The following ZNF141 variants were observed in gnomAD, a reference collection of about 807,000 sequenced individuals.
The protein encoded by ZNF141 is zinc finger protein 141, also known as zinc finger protein 141 (clone pHZ-44).
Under a neutral mutation model 11.3 loss-of-function variants are expected in ZNF141, and 7 were observed. The ratio of observed to expected loss-of-function variants is 0.62; its 90% CI spans 0.35 to 1.16. The LOEUF (loss-of-function observed/expected upper bound fraction) is 1.16. Ranked by LOEUF, ZNF141 falls within the 50% of genes most tolerant of loss-of-function variation. ZNF141 has a pLI of 0.02. For missense variants in ZNF141, 535 were observed against 554.0 expected (o/e 0.97, Z 0.34); for synonymous variants, 183 against 190.7 (o/e 0.96, Z 0.33).
At chr4:342,770 T>C in intron 1 of ZNF141, 1 of 1,507,340 alleles carries the variant, frequency 6.6e-7, no homozygotes. Context: ...TTTTGATTGT[T>C]GTTGTCCCAG....
chr4:383,210 A>G lies in ZNF141; in HGVS notation c.*9348A>G, dbSNP rs1217511377. ...TCACTCACAGAAGCAGAGCCACCTAATTCACCAGCATCTAACCACTCACAC... is the reference window on the plus strand; with the variant it reads ...TCACTCACAGAAGCAGAGCCACCTAGTTCACCAGCATCTAACCACTCACAC... On this transcript the variant is annotated 3_prime_UTR_variant, in exon 4 of 4. Coordinates refer to ENST00000240499, the MANE Select transcript of ZNF141 (RefSeq NM_003441.4). 9 of 695,508 alleles carry G rather than the reference A, an allele frequency of 1.3e-5. No homozygotes were observed. Among genetic ancestry groups the G allele is most frequent in the Non-Finnish European group, 2.4e-5 (9 of 382,446 alleles). 43.1% of individuals were successfully genotyped at this position (695,508 alleles called of 1,614,324 possible).
rs1712767625 is a variant in ZNF141, at chr4:383,735, G to A, written c.*9873G>A. Reference sequence around the variant, plus strand: ...TCTGATAGAAAAGGACAGTGCCTTGGAGTGGCCGTGGGCCAAGCACAGGCC... The same window carrying A: ...TCTGATAGAAAAGGACAGTGCCTTGAAGTGGCCGTGGGCCAAGCACAGGCC... On this transcript the variant is annotated 3_prime_UTR_variant, in exon 4 of 4. Transcript: ENST00000240499. The A allele has an allele frequency of 6.6e-6, 1 of 152,664 alleles. No homozygotes were observed. The allele number at this position is 152,664 out of a possible 1,614,324, so 9.5% of individuals were successfully genotyped here.
Position 340,707 on chromosome 4 carries a change from C to T in ZNF141, c.3+2721C>T, listed in dbSNP as rs200144900. Among the ~76,000 whole-genome samples the T allele has an allele frequency of 5.9e-5, 9 of 152,292 alleles. No homozygotes were observed. The East Asian group carries it at 1.7e-3, about 29-fold the overall frequency. On this transcript the variant is annotated intron_variant, in intron 1 of 3. Transcript: ENST00000240499. Reference sequence around the variant, plus strand: ...TGTTAAAATGAGACCACAGTCCTACCGTTCCCCTCTTTGAACTGTTTGTCT... The same window carrying T: ...TGTTAAAATGAGACCACAGTCCTACTGTTCCCCTCTTTGAACTGTTTGTCT...
chr4:353,053 C>T (rs909866607), intron 3 of ZNF141, among the ~76,000 whole-genome samples: 7 of 152,044 alleles, frequency 4.6e-5, no homozygotes, highest in African/African-American at 9.7e-5. Flanking sequence ...TGGTGTTCAG[C>T]AAACTCCATA....
intron 1 of ZNF141, chr4:342,940 A>G (rs576076550): frequency 1.9e-6 from 3 of 1,543,352 alleles, no homozygotes; most frequent in Non-Finnish European, 2.7e-6. Flanking sequence ...TACTTCAATT[A>G]TCTCCTGATC....
At chr4:352,140 C>T (rs576874682) in intron 3 of ZNF141, among the ~76,000 whole-genome samples, 2 of 152,240 alleles carry the variant, frequency 1.3e-5, no homozygotes, top group African/African-American at 4.8e-5. Context: ...GTAATCCCAG[C>T]ACTTTGGGAG....
intron 1 of ZNF141, 23 bp downstream of exon 1, chr4:338,009 C>T (rs1310118021): frequency 6.2e-7 from 1 of 1,613,052 alleles, no homozygotes; most frequent in Non-Finnish European, 8.5e-7. Flanking sequence ...GGCAGGGCGT[C>T]CCAAGGCTGA....
chr4:384,034 G>A lies in ZNF141; in HGVS notation c.*10172G>A, dbSNP rs1455055792. ...CAATTTTTTTGTTCGAAATGTCAAG[G>A]ACCTGGACAGTTCACACTCACGGCC... On this transcript the variant is annotated 3_prime_UTR_variant, in exon 4 of 4. Transcript: ENST00000240499. The A allele has an allele frequency of 1.3e-5, 2 of 152,144 alleles. No homozygotes were observed. The highest frequency in any genetic ancestry group is 2.9e-5 in the Non-Finnish European group (2 of 68,064). The allele number at this position is 152,144 out of a possible 1,614,324, so 9.4% of individuals were successfully genotyped here.
At chr4:341,369 G>C (rs1374607681) in intron 1 of ZNF141, among the ~76,000 whole-genome samples, 1 of 152,100 alleles carries the variant, frequency 6.6e-6, no homozygotes, top group Non-Finnish European at 1.5e-5. Flanking sequence ...CCTGTTTTGT[G>C]AGTTTTGATG....
At chr4:368,524 G>C (rs782332390) in intron 3 of ZNF141, among the ~76,000 whole-genome samples, 2 of 152,216 alleles carry the variant, frequency 1.3e-5, no homozygotes, top group African/African-American at 2.4e-5. Flanking sequence ...TTACAGGCAT[G>C]AGCCACCATG....
chr4:374,556 G>A lies in ZNF141; in HGVS notation c.*694G>A, dbSNP rs370183964. ...AAAAAATGCTACAAATGTGAAAAAC[G>A]TGGCAGAGCCTTCAGACCATCCACA... On this transcript the variant is annotated 3_prime_UTR_variant, in exon 4 of 4. Transcript: ENST00000240499. 5.6e-5 allele frequency: 10 copies of A among 176,992 alleles called. No individual in the cohort carries two copies. The highest frequency in any genetic ancestry group is 7.1e-5 in the African/African-American group (3 of 42,342). The allele number at this position is 176,992 out of a possible 1,614,324, so 11.0% of individuals were successfully genotyped here.
intron 3 of ZNF141, among the ~76,000 whole-genome samples, chr4:352,960 G>A (rs1721674627): frequency 6.6e-6 from 1 of 152,190 alleles, no homozygotes; most frequent in South Asian, 2.1e-4. Flanking sequence ...GTGGAACTGG[G>A]TCTGAACTTG....
At position 343,907 on chromosome 4, in the gene ZNF141, G is replaced by C. The variant is rs553009801; in HGVS notation, c.129G>C (p.Leu43=). 6.3e-7 allele frequency: 1 copy of C among 1,595,178 alleles called. No homozygotes were observed. Among genetic ancestry groups the C allele is most frequent in the East Asian group, 2.2e-5 (1 of 44,678 alleles). The change falls in exon 2 of 4, where the codon CTG becomes CTC. Residue 43 remains leucine, a splice_region_variant and synonymous_variant. Coordinates refer to ENST00000240499, the MANE Select transcript of ZNF141 (RefSeq NM_003441.4). ...AGAACTACAGGAACCTGGTCTCCCT[G>C]GGTGAGGATAACTTCAATACATAAT... ...MLENYRNLVS[L]GVAISNPDLV... is the part of the protein sequence containing the mutation.
chr4:367,135 T>G (rs1197858759), intron 3 of ZNF141, among the ~76,000 whole-genome samples: 27 of 152,222 alleles, frequency 1.8e-4, no homozygotes, highest in Admixed American at 1.8e-3. Flanking sequence ...ATCTTCTTTT[T>G]TTGAGATCTG....
At chr4:354,889 A>T (rs1314310530) in intron 3 of ZNF141, among the ~76,000 whole-genome samples, 2 of 152,078 alleles carry the variant, frequency 1.3e-5, no homozygotes, top group Non-Finnish European at 2.9e-5. Context: ...ATTGTGATTT[A>T]AAAACTTGAT....
rs6854214 is a variant in ZNF141 at position 383,099 on chromosome 4, C to A, written c.*9237C>A. The A allele has an allele frequency of 0.4, 278,137 of 694,554 alleles. 57,484 individuals carry two copies. The highest frequency in any genetic ancestry group is 0.57 in the African/African-American group (32,229 of 56,738). The allele number at this position is 694,554 out of a possible 1,614,324, so 43.0% of individuals were successfully genotyped here. ...TGCTTCTGTTATCTTTTTCAGAATT[C>A]TTCCATCTCTATGACAACAAGCCCA... is the stretch of plus-strand genomic sequence containing the variant. On this transcript the variant is annotated 3_prime_UTR_variant, in exon 4 of 4. Coordinates refer to ENST00000240499, the MANE Select transcript of ZNF141 (RefSeq NM_003441.4).
rs782259814 is a variant in ZNF141, at chr4:383,412, G to T, written c.*9550G>T. 1 of 403,154 alleles carries T rather than the reference G, an allele frequency of 2.5e-6. No homozygotes were observed. Among genetic ancestry groups the T allele is most frequent in the Non-Finnish European group, 4.4e-6 (1 of 228,860 alleles). The allele number at this position is 403,154 out of a possible 1,614,324, so 25.0% of individuals were successfully genotyped here. ...GATTGATCACAAATAACCTGCAAAT[G>T]CTTGCCACCCTGTAAGTATTGATTT... is the stretch of plus-strand genomic sequence containing the variant. On this transcript the variant is annotated 3_prime_UTR_variant, in exon 4 of 4. Transcript: ENST00000240499.
chr4:365,126 G>T (rs1581615948), intron 3 of ZNF141, among the ~76,000 whole-genome samples: 1 of 152,218 alleles, frequency 6.6e-6, no homozygotes, highest in Non-Finnish European at 1.5e-5. Context: ...GTGGGTGTGG[G>T]ACCTGGCAAG....
intron 3 of ZNF141, among the ~76,000 whole-genome samples, chr4:369,556 TAGAA>T (rs1180581938): frequency 7.3e-5 from 11 of 151,566 alleles, no homozygotes; most frequent in African/African-American, 9.7e-5. Flanking sequence ...TTTGCTGAAA[TAGAA>T]AGGCTTACCT....
Sources: allele counts gnomAD v4.1 joint callset (sites outside exome capture counted in the v4.1 genomes callset), GRCh38; gene constraint gnomAD v4.1.1; transcripts MANE v1.5; gene names NCBI Gene and HGNC (gene_info 2026-07-23, HGNC 2026-07-21).